The following CHRM3 variants were observed in gnomAD, a reference collection of about 807,000 sequenced individuals.
The protein encoded by CHRM3 is cholinergic receptor muscarinic 3.
Under a neutral mutation model 41.8 loss-of-function variants are expected in CHRM3, and 11 were observed. That is an observed-to-expected ratio of 0.26 (90% confidence interval 0.17 to 0.44). The LOEUF is 0.44. Ranked by LOEUF, CHRM3 falls within the 20% of genes least tolerant of loss-of-function variation. The pLI, the probability that CHRM3 is intolerant of heterozygous loss-of-function variation, is 1.00. For synonymous variants in CHRM3, 297 were observed against 301.4 expected (o/e 0.99, Z 0.15); for missense variants, 571 against 745.4 (o/e 0.77, Z 2.72).
intron 2 of CHRM3, among the ~76,000 whole-genome samples, chr1:239,503,997 T>A (rs187049039): frequency 6.6e-6 from 1 of 152,182 alleles, no homozygotes; most frequent in Non-Finnish European, 1.5e-5. Context: ...CTTCTAGACA[T>A]TGGCTTAGGC....
chr1:239,424,400 G>A (rs868259964), intron 1 of CHRM3, among the ~76,000 whole-genome samples: 12 of 152,232 alleles, frequency 7.9e-5, no homozygotes, highest in Admixed American at 5.2e-4. Flanking sequence ...TTTGTGGTGG[G>A]GGTGGGAGGG....
intron 5 of CHRM3, among the ~76,000 whole-genome samples, chr1:239,733,575 G>C (rs1664150960): frequency 6.6e-6 from 1 of 151,956 alleles, no homozygotes; most frequent in African/African-American, 2.4e-5. Flanking sequence ...TTGCTATCAG[G>C]CTCTGGAGAT....
At chr1:239,895,310 C>T (rs1678902095) in intron 6 of CHRM3, among the ~76,000 whole-genome samples, 1 of 152,132 alleles carries the variant, frequency 6.6e-6, no homozygotes, top group East Asian at 1.9e-4. Context: ...TGGGAGAAAG[C>T]CCGAATTTGT....
intron 1 of CHRM3, among the ~76,000 whole-genome samples, chr1:239,402,431 CT>C (rs1318936262): frequency 6.6e-6 from 1 of 152,224 alleles, no homozygotes; most frequent in Non-Finnish European, 1.5e-5. Flanking sequence ...TAGCCTCTAA[CT>C]TGTTCCCTGC....
chr1:239,398,396 T>A (rs1659680448), intron 1 of CHRM3, among the ~76,000 whole-genome samples: 1 of 152,040 alleles, frequency 6.6e-6, no homozygotes, highest in African/African-American at 2.4e-5. Context: ...CCACCACGCC[T>A]GGCTAATTTT....
chr1:239,891,902 T>C (rs1022244982), intron 6 of CHRM3, among the ~76,000 whole-genome samples: 2 of 152,164 alleles, frequency 1.3e-5, no homozygotes, highest in South Asian at 4.1e-4. Context: ...GAAGAAAGCT[T>C]CATCCTAGTT....
intron 4 of CHRM3, among the ~76,000 whole-genome samples, chr1:239,640,334 G>A (rs1312315183): frequency 6.6e-6 from 1 of 152,124 alleles, no homozygotes; most frequent in East Asian, 1.9e-4. Flanking sequence ...AGTTTCAGAA[G>A]GAATGGTACC....
At chr1:239,414,534 A>C (rs374286334) in intron 1 of CHRM3, among the ~76,000 whole-genome samples, 1 of 152,246 alleles carries the variant, frequency 6.6e-6, no homozygotes, top group East Asian at 1.9e-4. Flanking sequence ...GTTTGTCTCA[A>C]AGCAGGTAGT....
intron 4 of CHRM3, among the ~76,000 whole-genome samples, chr1:239,661,791 C>T (rs932486185): frequency 6.6e-6 from 1 of 151,856 alleles, no homozygotes; most frequent in South Asian, 2.1e-4. Context: ...GAGAGTGAAC[C>T]CTAATTTAAA....
chr1:239,708,358 G>A (rs544833556), intron 5 of CHRM3, among the ~76,000 whole-genome samples: 1 of 152,252 alleles, frequency 6.6e-6, no homozygotes, highest in East Asian at 1.9e-4. Context: ...TCAGATGATT[G>A]CAGGAGACTT....
At chr1:239,438,240 T>C (rs1663428145) in intron 1 of CHRM3, among the ~76,000 whole-genome samples, 1 of 152,236 alleles carries the variant, frequency 6.6e-6, no homozygotes, top group African/African-American at 2.4e-5. Flanking sequence ...AGATTTACTC[T>C]ATAAAAGTAT....
intron 5 of CHRM3, among the ~76,000 whole-genome samples, chr1:239,737,012 A>C (rs1223482033): frequency 1.3e-5 from 2 of 152,160 alleles, no homozygotes; most frequent in Admixed American, 1.3e-4. Flanking sequence ...GTTTATTGTT[A>C]TTGGTTCATT....
chr1:239,743,073 AAAAG>A (rs1451301020), intron 5 of CHRM3, among the ~76,000 whole-genome samples: 1 of 152,186 alleles, frequency 6.6e-6, no homozygotes, highest in African/African-American at 2.4e-5. Flanking sequence ...CAGGGGAAAA[AAAAG>A]AAGTCTTCTA....
chr1:239,619,700 G>T (rs1668142391), intron 3 of CHRM3, among the ~76,000 whole-genome samples: 1 of 151,980 alleles, frequency 6.6e-6, no homozygotes, highest in Non-Finnish European at 1.5e-5. Context: ...TTTAAAATTG[G>T]TTTCTCGAAC....
At chr1:239,712,280 A>C (rs1236934312) in intron 5 of CHRM3, among the ~76,000 whole-genome samples, 1 of 152,094 alleles carries the variant, frequency 6.6e-6, no homozygotes, top group African/African-American at 2.4e-5. Context: ...CTTGGTTGTG[A>C]TTGGAATGAC....
chr1:239,588,189 C>A (rs1663623341), intron 3 of CHRM3, among the ~76,000 whole-genome samples: 1 of 152,178 alleles, frequency 6.6e-6, no homozygotes, highest in African/African-American at 2.4e-5. Context: ...AGAATACCAA[C>A]CCCTGCAGCT....
chr1:239,438,403 C>A (rs1357577849), intron 1 of CHRM3, among the ~76,000 whole-genome samples: 2 of 152,124 alleles, frequency 1.3e-5, no homozygotes, highest in Non-Finnish European at 2.9e-5. Context: ...TAATAAAGAG[C>A]AAGATTCTGC....
chr1:239,611,662 G>A (rs61598496), intron 3 of CHRM3, among the ~76,000 whole-genome samples: 22,162 of 151,818 alleles, frequency 0.15, 2,866 homozygotes, highest in African/African-American at 0.35. Flanking sequence ...CTCGTGATCC[G>A]CCCGCCTTGG....
chr1:239,555,949 G>T (rs1405713515), intron 3 of CHRM3, among the ~76,000 whole-genome samples: 1 of 152,178 alleles, frequency 6.6e-6, no homozygotes, highest in Non-Finnish European at 1.5e-5. Flanking sequence ...TGCTGAGATG[G>T]TTTTCGAACT....
Sources: gnomAD v4.1 joint callset for allele counts (sites outside exome capture counted in the v4.1 genomes callset) on GRCh38, gnomAD v4.1.1 for gene constraint, MANE v1.5 for transcripts, NCBI Gene and HGNC (gene_info 2026-07-23, HGNC 2026-07-21) for gene names.